The following RAB23 variants were observed in gnomAD, a reference collection of about 807,000 sequenced individuals.
RAB23 encodes RAB23, member RAS oncogene family.
In RAB23, 15 loss-of-function variants were observed where a neutral mutation model predicts 30.0. The ratio of observed to expected loss-of-function variants is 0.50; its 90% CI spans 0.33 to 0.77. The LOEUF (loss-of-function observed/expected upper bound fraction) is 0.77. Ranked by LOEUF, RAB23 falls within the 30% of genes least tolerant of loss-of-function variation. RAB23 has a pLI of 0.02. For missense variants in RAB23, 243 were observed against 275.4 expected (o/e 0.88, Z 0.83); for synonymous variants, 93 against 94.0 (o/e 0.99, Z 0.06).
intron 1 of RAB23, among the ~76,000 whole-genome samples, chr6:57,220,670 T>C (rs746373881): frequency 6.6e-5 from 10 of 152,202 alleles, no homozygotes; most frequent in Non-Finnish European, 1.5e-4. Flanking sequence ...ACTGTTATGA[T>C]TTCATTTCTA....
chr6:57,197,297 T>A (rs959225433), intron 3 of RAB23, among the ~76,000 whole-genome samples: 2 of 152,052 alleles, frequency 1.3e-5, no homozygotes, highest in African/African-American at 2.4e-5. Flanking sequence ...CCACCCATAT[T>A]GTATCCATTG....
chr6:57,189,090 G>A lies in RAB23; in HGVS notation c.*1371C>T, dbSNP rs1413782727. On this transcript the variant is annotated 3_prime_UTR_variant, in exon 7 of 7. Coordinates refer to ENST00000468148, the MANE Select transcript of RAB23 (RefSeq NM_016277.5). ...GTTAAAAATAAAGCCATTGATGAGT[G>A]ATAATCAGTTTTAACAGAGTTCACG... The A allele has an allele frequency of 6.6e-6, 1 of 152,188 alleles. No individual in the cohort carries two copies. The highest frequency in any genetic ancestry group is 2.4e-5 in the African/African-American group (1 of 41,466). The allele number at this position is 152,188 out of a possible 1,614,324, so 9.4% of individuals were successfully genotyped here.
Position 57,190,114 on chromosome 6 carries a change from C to T in RAB23, c.*347G>A. The T allele has an allele frequency of 4.3e-6, 1 of 231,344 alleles. No homozygotes were observed. Among genetic ancestry groups the T allele is most frequent in the Non-Finnish European group, 8.6e-6 (1 of 116,348 alleles). The allele number at this position is 231,344 out of a possible 1,614,324, so 14.3% of individuals were successfully genotyped here. On this transcript the variant is annotated 3_prime_UTR_variant, in exon 7 of 7. Transcript: ENST00000468148. ...GAATGCTTGCTATCTTTCCTTGATC[C>T]ACAGTATTAAAATCTGTAACAATAT...
rs530203164 is a variant in RAB23 at position 57,205,109 on chromosome 6, C to T, written c.241+2519G>A. On this transcript the variant is annotated intron_variant, in intron 3 of 6. Coordinates refer to ENST00000468148, the MANE Select transcript of RAB23 (RefSeq NM_016277.5). ...ATTTGCATTTATAAATATATATACA[C>T]TGTGTGTATATATACACATCTATAC... 2.0e-5 allele frequency among the ~76,000 whole-genome samples: 3 copies of T among 149,082 alleles called. No individual in the cohort carries two copies. The South Asian group carries it at 6.4e-4, about 32-fold the overall frequency.
intron 3 of RAB23, among the ~76,000 whole-genome samples, chr6:57,203,391 C>T (rs1424662605): frequency 6.6e-6 from 1 of 152,134 alleles, no homozygotes; most frequent in African/African-American, 2.4e-5. Flanking sequence ...ATAACTGCCA[C>T]ATCAAACTGT....
At chr6:57,211,481 A>T (rs895426804) in intron 1 of RAB23, among the ~76,000 whole-genome samples, 10 of 151,576 alleles carry the variant, frequency 6.6e-5, no homozygotes, top group African/African-American at 1.7e-4. Context: ...AAAATAAAAT[A>T]AAAAAAAATT....
At chr6:57,200,846 T>C (rs151235144) in intron 3 of RAB23, among the ~76,000 whole-genome samples, 40 of 152,228 alleles carry the variant, frequency 2.6e-4, no homozygotes, top group African/African-American at 8.7e-4. Context: ...ACTGTGCCTC[T>C]CCCAATGGCA....
chr6:57,212,338 G>T (rs532638232), intron 1 of RAB23, among the ~76,000 whole-genome samples: 39 of 152,278 alleles, frequency 2.6e-4, no homozygotes, highest in African/African-American at 8.4e-4. Context: ...GCAGTCTGGA[G>T]CTCTTTCCAC....
rs1227227538 is a variant in RAB23, at chr6:57,188,770, T to C, written c.*1691A>G. ...ATAATGCCAGATCATTTCAATATAA[T>C]GAAAAGCAAAAATTTACTTTTTAAT... On this transcript the variant is annotated 3_prime_UTR_variant, in exon 7 of 7. Transcript: ENST00000468148. 3.9e-5 allele frequency: 6 copies of C among 152,168 alleles called. No individual in the cohort carries two copies. Among genetic ancestry groups the C allele is most frequent in the African/African-American group, 1.2e-4 (5 of 41,456 alleles). The allele number at this position is 152,168 out of a possible 1,614,324, so 9.4% of individuals were successfully genotyped here. A position where few individuals can be genotyped will look rare whatever the true frequency, so the allele number is the denominator to read the frequency against.
rs1367444228 is a variant in RAB23 at position 57,210,399 on chromosome 6, T to G, written c.-19A>C. On this transcript the variant is annotated 5_prime_UTR_variant, in exon 2 of 7. Transcript: ENST00000468148. ...CCAACATTTTTGGAGCTGAAATGGT[T>G]TCTGTACCAACTCTAATTCTAGGAG... 3.1e-6 allele frequency: 5 copies of G among 1,612,512 alleles called. No individual in the cohort carries two copies. In the African/African-American group the frequency reaches 4.0e-5, roughly 13 times the overall value.
intron 2 of RAB23, 27 bp from the exon 3 acceptor site, chr6:57,207,740 T>C: frequency 2.8e-6 from 4 of 1,440,460 alleles, no homozygotes; most frequent in Non-Finnish European, 3.9e-6. Flanking sequence ...ATTTATTTCA[T>C]ATGTAAAGGA....
rs1764793263 is a variant in RAB23, at chr6:57,190,399, A to C, written c.*62T>G. On this transcript the variant is annotated 3_prime_UTR_variant, in exon 7 of 7. Coordinates refer to ENST00000468148, the MANE Select transcript of RAB23 (RefSeq NM_016277.5). ...TGAAAACCTTGTAACATACCATGAC[A>C]GCTGGATGGGTTTCTTAATGCATTG... 2.5e-6 allele frequency: 4 copies of C among 1,583,404 alleles called. No homozygotes were observed. Among genetic ancestry groups the C allele is most frequent in the Non-Finnish European group, 3.5e-6 (4 of 1,153,782 alleles).
intron 1 of RAB23, among the ~76,000 whole-genome samples, chr6:57,219,849 G>A (rs1171749149): frequency 2.6e-5 from 4 of 152,126 alleles, no homozygotes; most frequent in African/African-American, 9.7e-5. Flanking sequence ...ATTTTTAGAA[G>A]GAGAAAATCT....
chr6:57,213,492 T>C (rs906428240), intron 1 of RAB23, among the ~76,000 whole-genome samples: 1 of 152,134 alleles, frequency 6.6e-6, no homozygotes, highest in African/African-American at 2.4e-5. Context: ...TTTCTCTACC[T>C]AAACAATTCT....
At chr6:57,196,630 C>G (rs1447617740) in intron 3 of RAB23, 24 bp from the exon 4 acceptor site, 1 of 1,608,696 alleles carries the variant, frequency 6.2e-7, no homozygotes, top group Non-Finnish European at 8.5e-7. Context: ...ATCAATCAAT[C>G]AATCAATCAA....
intron 3 of RAB23, among the ~76,000 whole-genome samples, chr6:57,198,051 C>T (rs150187991): frequency 6.6e-6 from 1 of 152,084 alleles, no homozygotes; most frequent in Non-Finnish European, 1.5e-5. Flanking sequence ...GCTGGGATTA[C>T]AGGTGTGAGT....
chr6:57,192,952 G>T (rs1764895970), intron 6 of RAB23, among the ~76,000 whole-genome samples: 1 of 152,196 alleles, frequency 6.6e-6, no homozygotes, highest in African/African-American at 2.4e-5. Flanking sequence ...GGGTTACATA[G>T]ATGTAATGGT....
At chr6:57,202,483 G>A (rs1165865972) in intron 3 of RAB23, among the ~76,000 whole-genome samples, 1 of 152,172 alleles carries the variant, frequency 6.6e-6, no homozygotes, top group Non-Finnish European at 1.5e-5. Context: ...CAGGACATCT[G>A]AACCACTGCT....
At chr6:57,213,146 C>T (rs1765714928) in intron 1 of RAB23, among the ~76,000 whole-genome samples, 1 of 152,146 alleles carries the variant, frequency 6.6e-6, no homozygotes, top group Non-Finnish European at 1.5e-5. Flanking sequence ...AGATCCCTCA[C>T]ATGTGCAGTT....
Sources: gnomAD v4.1 joint callset for allele counts (sites outside exome capture counted in the v4.1 genomes callset) on GRCh38, gnomAD v4.1.1 for gene constraint, MANE v1.5 for transcripts, NCBI Gene and HGNC (gene_info 2026-07-23, HGNC 2026-07-21) for gene names.